Variants in LRRTM4 observed in about 807,000 individuals in gnomAD.
LRRTM4 encodes leucine rich repeat transmembrane neuronal 4, also known as leucine-rich repeat transmembrane neuronal protein 4.
A neutral mutation model predicts 47.6 loss-of-function variants in LRRTM4; 25 were observed. The observed-to-expected ratio is 0.53, with a 90% CI of 0.38 to 0.73. The LOEUF (loss-of-function observed/expected upper bound fraction) is 0.73, where lower values mean the gene tolerates loss of function less well. LRRTM4 is among the 30% of genes least tolerant of loss of function. The pLI is 0.00. For synonymous variants in LRRTM4, 311 were observed against 269.5 expected (o/e 1.15, Z -1.51); for missense variants, 638 against 713.4 (o/e 0.89, Z 1.20).
chr2:76,932,372 T>G (rs1013619943), intron 3 of LRRTM4, among the ~76,000 whole-genome samples: 1 of 152,092 alleles, frequency 6.6e-6, no homozygotes, highest in Non-Finnish European at 1.5e-5. Flanking sequence ...TTCTTTCCCC[T>G]AGTAGTATAA....
At chr2:77,378,479 A>G (rs1672922126) in intron 3 of LRRTM4, among the ~76,000 whole-genome samples, 1 of 152,168 alleles carries the variant, frequency 6.6e-6, no homozygotes, top group East Asian at 1.9e-4. Flanking sequence ...CTTTCAAAAG[A>G]AAATTCACTG....
intron 3 of LRRTM4, among the ~76,000 whole-genome samples, chr2:77,094,502 G>A (rs376603613): frequency 3.6e-4 from 54 of 152,074 alleles, no homozygotes; most frequent in South Asian, 1.0e-3. Context: ...CAAGCAGAGA[G>A]TATAACACTC....
At chr2:77,221,081 C>A (rs1674613637) in intron 3 of LRRTM4, among the ~76,000 whole-genome samples, 1 of 152,144 alleles carries the variant, frequency 6.6e-6, no homozygotes, top group Non-Finnish European at 1.5e-5. Flanking sequence ...ATTTTCAACC[C>A]AGAATTTCAT....
At chr2:76,774,553 G>A (rs763182979) in intron 3 of LRRTM4, among the ~76,000 whole-genome samples, 4 of 152,100 alleles carry the variant, frequency 2.6e-5, no homozygotes, top group Non-Finnish European at 5.9e-5. Context: ...TTCATTAAGT[G>A]AAAATGGATT....
At chr2:77,344,001 A>C (rs1332176918) in intron 3 of LRRTM4, among the ~76,000 whole-genome samples, 5 of 151,886 alleles carry the variant, frequency 3.3e-5, no homozygotes, top group Non-Finnish European at 7.4e-5. Context: ...GATGGCTTTA[A>C]AGAGAATAAA....
chr2:76,971,812 ACCCTATAT>A (rs1676229412), intron 3 of LRRTM4, among the ~76,000 whole-genome samples: 2 of 151,996 alleles, frequency 1.3e-5, no homozygotes, highest in Non-Finnish European at 2.9e-5. Flanking sequence ...ACACCCTCCC[ACCCTATAT>A]CAGGCCCACA....
At position 76,770,522 on chromosome 2, in the gene LRRTM4, AT is replaced by A. The variant is rs1044568701; in HGVS notation, c.1552-21607del. 9.5e-4 allele frequency among the ~76,000 whole-genome samples: 144 copies of A among 152,270 alleles called. 1 individual carries two copies. In the Middle Eastern group the frequency reaches 0.01, roughly 11 times the overall value. On this transcript the variant is annotated intron_variant, in intron 3 of 3. Coordinates refer to ENST00000409884, the MANE Select transcript of LRRTM4 (RefSeq NM_001134745.3). ...ATCTGCAACACAGTTGATATCAAAT[AT>A]GTGTTCTCTATTTAAATGTTTGTTA... is the stretch of plus-strand genomic sequence containing the variant.
chr2:77,498,550 A>G (rs1246113341), intron 3 of LRRTM4, among the ~76,000 whole-genome samples: 2 of 151,864 alleles, frequency 1.3e-5, no homozygotes, highest in Non-Finnish European at 1.5e-5. Flanking sequence ...GCACAGTAAT[A>G]GTCCTAAGTT....
intron 3 of LRRTM4, among the ~76,000 whole-genome samples, chr2:76,957,561 A>G (rs1045788314): frequency 7.9e-5 from 12 of 151,758 alleles, no homozygotes; most frequent in African/African-American, 1.9e-4. Flanking sequence ...AACTTTAACA[A>G]TTTCAAGAAG....
intron 3 of LRRTM4, among the ~76,000 whole-genome samples, chr2:77,318,751 T>C (rs1403850314): frequency 6.6e-6 from 1 of 152,214 alleles, no homozygotes; most frequent in Admixed American, 6.5e-5. Flanking sequence ...CACTCATCTT[T>C]CCATCAACGG....
intron 3 of LRRTM4, among the ~76,000 whole-genome samples, chr2:77,455,304 T>G (rs2103959865): frequency 6.6e-6 from 1 of 152,356 alleles, no homozygotes; most frequent in African/African-American, 2.4e-5. Flanking sequence ...TATTGGTTTT[T>G]ATACTAATTT....
chr2:77,491,492 C>T (rs954797679), intron 3 of LRRTM4, among the ~76,000 whole-genome samples: 2 of 151,808 alleles, frequency 1.3e-5, no homozygotes, highest in African/African-American at 4.8e-5. Flanking sequence ...TACAAGAGTA[C>T]TATAAAGTAA....
chr2:77,047,982 G>A (rs1450029480), intron 3 of LRRTM4, among the ~76,000 whole-genome samples: 2 of 151,944 alleles, frequency 1.3e-5, no homozygotes, highest in African/African-American at 2.4e-5. Context: ...GCTCATTTGT[G>A]TTTTTGTTAA....
intron 3 of LRRTM4, among the ~76,000 whole-genome samples, chr2:77,236,827 C>A (rs972188910): frequency 1.3e-5 from 2 of 151,902 alleles, no homozygotes; most frequent in Non-Finnish European, 2.9e-5. Context: ...ATCACATTTA[C>A]TGACTTGCAT....
chr2:77,131,921 T>G (rs1385728523), intron 3 of LRRTM4, among the ~76,000 whole-genome samples: 2 of 152,220 alleles, frequency 1.3e-5, no homozygotes, highest in African/African-American at 4.8e-5. Flanking sequence ...TGTGATATTT[T>G]GTTACATGAT....
intron 3 of LRRTM4, among the ~76,000 whole-genome samples, chr2:76,787,224 T>G (rs1197902069): frequency 1.3e-5 from 2 of 149,790 alleles, no homozygotes; most frequent in Admixed American, 6.7e-5. Flanking sequence ...GGAAACATGT[T>G]GATTGTGTGG....
intron 3 of LRRTM4, among the ~76,000 whole-genome samples, chr2:77,232,573 A>C (rs1276387346): frequency 6.6e-6 from 1 of 152,212 alleles, no homozygotes; most frequent in Admixed American, 6.5e-5. Context: ...TTAGACACAA[A>C]GGTTTACTTT....
intron 3 of LRRTM4, among the ~76,000 whole-genome samples, chr2:77,201,300 G>A (rs1378271144): frequency 1.3e-5 from 2 of 152,058 alleles, no homozygotes; most frequent in African/African-American, 4.8e-5. Flanking sequence ...TGGGAGTAAT[G>A]TACTATAGGA....
chr2:77,396,570 T>G (rs2103825477), intron 3 of LRRTM4, among the ~76,000 whole-genome samples: 1 of 152,028 alleles, frequency 6.6e-6, no homozygotes, highest in African/African-American at 2.4e-5. Context: ...TGCAGTAAAT[T>G]TAGTCTTTAT....
Sources: allele counts gnomAD v4.1 joint callset (sites outside exome capture counted in the v4.1 genomes callset), GRCh38; gene constraint gnomAD v4.1.1; transcripts MANE v1.5; gene names NCBI Gene and HGNC (gene_info 2026-07-23, HGNC 2026-07-21).